Variants in KLHL6 observed in about 807,000 individuals in gnomAD.
KLHL6 encodes kelch like family member 6.
Under a neutral mutation model 58.6 loss-of-function variants are expected in KLHL6, and 41 were observed. The ratio of observed to expected loss-of-function variants is 0.70; its 90% CI spans 0.55 to 0.91. KLHL6 has a LOEUF of 0.91. Among genes scored for constraint, KLHL6 ranks in the 40% least tolerant of loss-of-function variants. The probability of loss-of-function intolerance (pLI) is 0.00; values close to 1 mark genes in which losing one functional copy is unlikely to be tolerated. For missense variants in KLHL6, 714 were observed against 805.6 expected (o/e 0.89, Z 1.38); for synonymous variants, 338 against 322.7 (o/e 1.05, Z -0.51).
In KLHL6 at chr3:183,508,308, G is replaced by A. The variant is rs769691676; in HGVS notation, c.660C>T (p.His220=). ...CGTAAAGGTCATCACTCTTCAAGAT[G>A]TGGTGCAGAGTGTCCACGGGCAGGT... ...FLDLPVDTLH[H]ILKSDDLYVT... Residue 220 remains histidine, a synonymous_variant, in exon 3 of 7, where the codon CAC becomes CAT. Transcript: ENST00000341319. 6 of 1,614,160 alleles carry A rather than the reference G, an allele frequency of 3.7e-6. No homozygotes were observed. The Admixed American group carries it at 8.3e-5, about 22-fold the overall frequency.
In KLHL6 at chr3:183,492,548, C is replaced by A. The variant is rs532480044; in HGVS notation, c.1510G>T (p.Val504Leu). The A allele has an allele frequency of 5.6e-6, 9 of 1,614,238 alleles. No homozygotes were observed. In the South Asian group the frequency reaches 6.6e-5, roughly 12 times the overall value. Residue 504 changes from valine to leucine, a missense_variant, in exon 6 of 7, where the codon GTG becomes TTG. Val to Leu is a conservative substitution (Grantham distance 32). Transcript: ENST00000341319. The surrounding 1 kb of genome is among the most constrained non-coding windows in gnomAD (Gnocchi z 5.9). ...ACTGCATTGATGCATTTAGCCTCCA[C>A]GGGCATGGCCGCCTTCAAACTCCAC... ...NKWSLKAAMP[V>L]EAKCINAVSF...
chr3:183,511,491 A>G (rs2108676587), intron 2 of KLHL6, among the ~76,000 whole-genome samples: 1 of 152,198 alleles, frequency 6.6e-6, no homozygotes, highest in South Asian at 2.1e-4. Context: ...CCTCCTCAGC[A>G]CAGACCCTTC....
intron 1 of KLHL6, among the ~76,000 whole-genome samples, chr3:183,550,040 A>C (rs775711528): frequency 1.3e-5 from 2 of 152,196 alleles, no homozygotes; most frequent in Non-Finnish European, 2.9e-5. Context: ...AACCTCAAAG[A>C]GATTAAGTGA....
At chr3:183,533,488 G>A (rs1712226935) in intron 1 of KLHL6, among the ~76,000 whole-genome samples, 1 of 151,370 alleles carries the variant, frequency 6.6e-6, no homozygotes, top group Admixed American at 6.6e-5. Flanking sequence ...CCAGGCTGGT[G>A]GTGAACTCTG....
chr3:183,531,245 C>CG (rs1577196249), intron 1 of KLHL6, among the ~76,000 whole-genome samples: 1 of 151,788 alleles, frequency 6.6e-6, no homozygotes, highest in East Asian at 1.9e-4. Flanking sequence ...ACCTGGGAGT[C>CG]GGGGGAGGGG....
chr3:183,537,968 G>A (rs1047442811), intron 1 of KLHL6, among the ~76,000 whole-genome samples: 3 of 152,112 alleles, frequency 2.0e-5, no homozygotes, highest in Non-Finnish European at 4.4e-5. Context: ...CCACCAAGTA[G>A]GGACGGTCCC....
At chr3:183,514,141 G>A (rs1283048937) in intron 2 of KLHL6, among the ~76,000 whole-genome samples, 2 of 152,224 alleles carry the variant, frequency 1.3e-5, no homozygotes, top group African/African-American at 2.4e-5. Flanking sequence ...GAGACAAAGC[G>A]CCTGCGCTCA....
At chr3:183,544,933 G>GT (rs1442057954) in intron 1 of KLHL6, 2 of 152,156 alleles carry the variant, frequency 1.3e-5, no homozygotes, top group South Asian at 2.1e-4. Flanking sequence ...TTTCCCAGGG[G>GT]TTTTTCAAGC....
At chr3:183,528,092 G>A (rs2108685586) in intron 1 of KLHL6, 82 bp from the exon 2 acceptor site, 1 of 1,498,014 alleles carries the variant, frequency 6.7e-7, no homozygotes, top group Non-Finnish European at 9.2e-7. Flanking sequence ...GACTCATCAG[G>A]CCCTCACAGA....
Position 183,492,558 on chromosome 3 carries a change from C to A in KLHL6, c.1500G>T (p.Ala500=). 1 of 1,614,242 alleles carries A rather than the reference C, an allele frequency of 6.2e-7. No homozygotes were observed. The highest frequency in any genetic ancestry group is 1.1e-5 in the South Asian group (1 of 91,088). The change falls in exon 6 of 7, where the codon GCG becomes GCT. Residue 500 remains alanine, a synonymous_variant. Coordinates refer to ENST00000341319, the MANE Select transcript of KLHL6 (RefSeq NM_130446.4). The surrounding 1 kb of genome is among the most constrained non-coding windows in gnomAD (Gnocchi z 5.9). ...DPSTNKWSLK[A]AMPVEAKCIN... is the part of the protein sequence containing the mutation. The stretch of plus-strand genomic sequence containing the variant: ...TGCATTTAGCCTCCACGGGCATGGC[C>A]GCCTTCAAACTCCACTTGTTGGTGG...
chr3:183,495,150 A>G (rs891038765), intron 4 of KLHL6, among the ~76,000 whole-genome samples: 1 of 152,240 alleles, frequency 6.6e-6, no homozygotes, highest in Non-Finnish European at 1.5e-5. Context: ...ATTCTGTGTC[A>G]GGGGTGTTTC....
In KLHL6 at chr3:183,527,920, G is replaced by A; in HGVS notation, c.384C>T (p.Asp128=). ...VDAETMHTLL[D]YTYTSKALIT... is the part of the protein sequence containing the mutation. ...TCAGCGCCTTGCTGGTGTACGTGTA[G>A]TCCAACAGAGTGTGCATGGTCTCAG... Residue 128 remains aspartate (D), a synonymous_variant, in exon 2 of 7, where the codon GAC becomes GAT. Coordinates refer to ENST00000341319, the MANE Select transcript of KLHL6 (RefSeq NM_130446.4). 1.2e-6 allele frequency: 2 copies of A among 1,614,088 alleles called. No individual in the cohort carries two copies. Among genetic ancestry groups the A allele is most frequent in the South Asian group, 2.2e-5 (2 of 91,070 alleles).
rs559842876 is a variant in KLHL6 at position 183,508,239 on chromosome 3, G to A, written c.729C>T (p.Val243=). ...AGAGTCGTTCTGATGGCTTGTGCCG[G>A]ACCCAGCTCATCACGGTCTCAAACA... is the stretch of plus-strand genomic sequence containing the variant. ...AQVFETVMSW[V]RHKPSERLCL... The change falls in exon 3 of 7, where the codon GTC becomes GTT. Residue 243 remains valine (V), a synonymous_variant. Transcript: ENST00000341319. 6.2e-7 allele frequency: 1 copy of A among 1,614,182 alleles called. No individual in the cohort carries two copies. The highest frequency in any genetic ancestry group is 1.3e-5 in the African/African-American group (1 of 75,032).
At chr3:183,551,933 C>G (rs1712930649) in intron 1 of KLHL6, 2 of 151,938 alleles carry the variant, frequency 1.3e-5, no homozygotes. Context: ...AGTGAAGAGA[C>G]AGTTCAACAA....
At chr3:183,529,555 G>A (rs1712088936) in intron 1 of KLHL6, among the ~76,000 whole-genome samples, 1 of 152,066 alleles carries the variant, frequency 6.6e-6, no homozygotes, top group Non-Finnish European at 1.5e-5. Flanking sequence ...AGTAGGTGGG[G>A]GACCGGGGGT....
intron 1 of KLHL6, among the ~76,000 whole-genome samples, chr3:183,545,114 G>A (rs186150308): frequency 4.8e-4 from 73 of 152,230 alleles, no homozygotes; most frequent in African/African-American, 1.7e-3. Flanking sequence ...AAAGGGCCTG[G>A]TTCCTCTTCT....
chr3:183,532,124 T>C (rs1712183634), intron 1 of KLHL6, among the ~76,000 whole-genome samples: 1 of 152,190 alleles, frequency 6.6e-6, no homozygotes, highest in South Asian at 2.1e-4. Flanking sequence ...AGATAAGATT[T>C]TTAGGAAGTA....
intron 1 of KLHL6, among the ~76,000 whole-genome samples, chr3:183,543,576 C>T (rs933017050): frequency 5.9e-5 from 9 of 152,134 alleles, no homozygotes; most frequent in Non-Finnish European, 1.2e-4. Flanking sequence ...GTGTTGCGTT[C>T]GCTATACACA....
rs1391100475 is a variant in KLHL6, at chr3:183,499,221, T to C, written c.1147+369A>G. Among the ~76,000 whole-genome samples the C allele has an allele frequency of 6.6e-6, 1 of 151,966 alleles. No homozygotes were observed. The highest frequency in any genetic ancestry group is 2.4e-5 in the African/African-American group (1 of 41,404). Reference sequence around the variant, plus strand: ...GCTGGGCATGGTGGCAGGCACCTGATTGTAATCCCAGCTACTCGGGAGGGT... The same window carrying C: ...GCTGGGCATGGTGGCAGGCACCTGACTGTAATCCCAGCTACTCGGGAGGGT... On this transcript the variant is annotated intron_variant, in intron 4 of 6. Transcript: ENST00000341319. The surrounding 1 kb of genome is among the most constrained non-coding windows in gnomAD (Gnocchi z 4.6).
Sources: gnomAD v4.1 joint callset for allele counts (sites outside exome capture counted in the v4.1 genomes callset) on GRCh38, gnomAD v4.1.1 for gene constraint, Gnocchi (gnomAD v3.1) non-coding constraint, MANE v1.5 for transcripts, NCBI Gene and HGNC (gene_info 2026-07-23, HGNC 2026-07-21) for gene names.